The following RBPMS variants were observed in gnomAD, a reference collection of about 807,000 sequenced individuals.
The protein encoded by RBPMS is RNA-binding protein with multiple splicing.
Under a neutral mutation model 26.8 loss-of-function variants are expected in RBPMS, and 7 were observed. That is an observed-to-expected ratio of 0.26 (90% CI 0.15 to 0.49). The LOEUF (loss-of-function observed/expected upper bound fraction) is 0.49. RBPMS is among the 20% of genes least tolerant of loss of function. The pLI, the probability that RBPMS is intolerant of heterozygous loss-of-function variation, is 0.98. For missense variants in RBPMS, 186 were observed against 250.0 expected (o/e 0.74, Z 1.73); for synonymous variants, 96 against 93.3 (o/e 1.03, Z -0.17).
Position 30,512,628 on chromosome 8 carries a change from T to TA in RBPMS, c.397+8203dup, listed in dbSNP as rs879817372. The stretch of plus-strand genomic sequence containing the variant: ...TCCTGCCTCAGCCTCCTGGCTAGTT[T>TA]AAAAAAAAAAATTTGTAGAGATGGG... On this transcript the variant is annotated intron_variant, in intron 5 of 8. Coordinates refer to ENST00000397323, the MANE Select transcript of RBPMS (RefSeq NM_001008710.3). Among the ~76,000 whole-genome samples, 222 of 149,496 alleles carry TA rather than the reference T, an allele frequency of 1.5e-3. 1 individual carries two copies. Among genetic ancestry groups the TA allele is most frequent in the South Asian group, 4.2e-3 (20 of 4,740 alleles).
At chr8:30,555,779 C>G (rs761276893) in intron 6 of RBPMS, 1 of 582,748 alleles carries the variant, frequency 1.7e-6, no homozygotes, top group Non-Finnish European at 2.2e-6. Context: ...AATTGTAAAG[C>G]AGCCCTTATG....
intron 1 of RBPMS, among the ~76,000 whole-genome samples, chr8:30,464,035 T>C (rs1816234584): frequency 6.6e-6 from 1 of 152,202 alleles, no homozygotes; most frequent in African/African-American, 2.4e-5. Flanking sequence ...ATACCTGTTG[T>C]CTTAGCTACT....
intron 1 of RBPMS, among the ~76,000 whole-genome samples, chr8:30,471,869 G>A (rs1433672923): frequency 6.6e-6 from 1 of 152,154 alleles, no homozygotes; most frequent in Non-Finnish European, 1.5e-5. Flanking sequence ...GGATGCAAAA[G>A]ATACAGAACA....
At chr8:30,465,148 GT>G (rs1816355796) in intron 1 of RBPMS, among the ~76,000 whole-genome samples, 1 of 152,198 alleles carries the variant, frequency 6.6e-6, no homozygotes, top group Admixed American at 6.5e-5. Context: ...GGAACTTCTT[GT>G]TGAACTCTAA....
chr8:30,483,194 T>C (rs1007303143), intron 4 of RBPMS, among the ~76,000 whole-genome samples: 12 of 152,218 alleles, frequency 7.9e-5, no homozygotes, highest in African/African-American at 1.4e-4. Context: ...TGACCTGTTA[T>C]GGCATTGTTT....
At chr8:30,485,654 T>G (rs185080706) in intron 4 of RBPMS, among the ~76,000 whole-genome samples, 28 of 152,380 alleles carry the variant, frequency 1.8e-4, no homozygotes, top group Admixed American at 1.4e-3. Context: ...ACTATGTGCA[T>G]GCACTTTGGA....
Position 30,562,540 on chromosome 8 carries a change from T to C in RBPMS, c.*7+3584T>C, listed in dbSNP as rs1827588467. Among the ~76,000 whole-genome samples the C allele has an allele frequency of 5.3e-5, 8 of 152,144 alleles. No individual in the cohort carries two copies. In the South Asian group the frequency reaches 1.7e-3, roughly 32 times the overall value. On this transcript the variant is annotated intron_variant, in intron 7 of 8. Transcript: ENST00000397323. ...GACTAGCTCAGTGCGGATCTATTAT[T>C]TCAGCTCCTTCTAGTCTCTTGGATC... is the stretch of plus-strand genomic sequence containing the variant.
intron 1 of RBPMS, among the ~76,000 whole-genome samples, chr8:30,416,839 G>A (rs766310874): frequency 1.4e-4 from 22 of 151,750 alleles, no homozygotes; most frequent in African/African-American, 4.4e-4. Flanking sequence ...GTGCAATCTC[G>A]ACTCACTGCA....
chr8:30,430,128 T>G (rs1418373270), intron 1 of RBPMS, among the ~76,000 whole-genome samples: 3 of 151,950 alleles, frequency 2.0e-5, no homozygotes, highest in Non-Finnish European at 2.9e-5. Flanking sequence ...ATACAGAAAT[T>G]AGCTAGGCAT....
chr8:30,505,175 GC>G (rs915816500), intron 5 of RBPMS, among the ~76,000 whole-genome samples: 1 of 152,202 alleles, frequency 6.6e-6, no homozygotes, highest in Non-Finnish European at 1.5e-5. Context: ...CATGAGACAG[GC>G]CTTAACTTCT....
chr8:30,433,020 C>A (rs1391626147), intron 1 of RBPMS, among the ~76,000 whole-genome samples: 3 of 152,158 alleles, frequency 2.0e-5, no homozygotes, highest in Non-Finnish European at 2.9e-5. Flanking sequence ...AAAATGATGT[C>A]TTTTGCCTAA....
chr8:30,489,796 C>T (rs1819197506), intron 4 of RBPMS, among the ~76,000 whole-genome samples: 2 of 145,522 alleles, frequency 1.4e-5, no homozygotes, highest in Non-Finnish European at 3.0e-5. Context: ...TTTCTGTATA[C>T]TGGTGTTTTT....
At position 30,569,487 on chromosome 8, in the gene RBPMS, GA is replaced by G. The variant is rs527642582; in HGVS notation, c.*112-1148del. Among the ~76,000 whole-genome samples the G allele has an allele frequency of 3.7e-4, 57 of 152,304 alleles. No individual in the cohort carries two copies. The South Asian group carries it at 0.011, about 30-fold the overall frequency. On this transcript the variant is annotated intron_variant, in intron 8 of 8. Transcript: ENST00000397323. ...GTATATGCTGAGGGGACTAGTAACAGAAGAGAGGAAGTAAGAACAGGCACGG... is the reference window on the plus strand; with the variant it reads ...GTATATGCTGAGGGGACTAGTAACAGAGAGAGGAAGTAAGAACAGGCACGG...
At chr8:30,532,767 C>T (rs2915589) in intron 5 of RBPMS, among the ~76,000 whole-genome samples, 78,258 of 151,988 alleles carry the variant, frequency 0.51, 20,266 homozygotes, top group South Asian at 0.64. Flanking sequence ...CCCAGGTCTT[C>T]GGACACTTTT....
chr8:30,528,468 A>G lies in RBPMS; in HGVS notation c.398-16026A>G, dbSNP rs77679867. ...GGGGAGCCGGGACATACCTGTGACCATGGTGGGTCATTAGGTCTTAACATA... is the reference window on the plus strand; with the variant it reads ...GGGGAGCCGGGACATACCTGTGACCGTGGTGGGTCATTAGGTCTTAACATA... On this transcript the variant is annotated intron_variant, in intron 5 of 8. Coordinates refer to ENST00000397323, the MANE Select transcript of RBPMS (RefSeq NM_001008710.3). Among the ~76,000 whole-genome samples, 691 of 152,302 alleles carry G rather than the reference A, an allele frequency of 4.5e-3. 2 individuals carry two copies. Among genetic ancestry groups the G allele is most frequent in the African/African-American group, 0.016 (647 of 41,576 alleles).
At chr8:30,568,098 G>C (rs1482129492) in intron 8 of RBPMS, among the ~76,000 whole-genome samples, 4 of 152,214 alleles carry the variant, frequency 2.6e-5, no homozygotes, top group African/African-American at 9.6e-5. Context: ...TGACACGTTT[G>C]AAAATCTATT....
At chr8:30,497,836 T>A (rs566184003) in intron 4 of RBPMS, among the ~76,000 whole-genome samples, 108 of 151,528 alleles carry the variant, frequency 7.1e-4, no homozygotes, top group Non-Finnish European at 1.2e-3. Flanking sequence ...GTTAGCCAGG[T>A]TGGTCTCGAT....
intron 5 of RBPMS, among the ~76,000 whole-genome samples, chr8:30,512,316 C>T (rs1226539914): frequency 1.3e-5 from 2 of 152,090 alleles, no homozygotes; most frequent in African/African-American, 2.4e-5. Context: ...TGCATTTATA[C>T]ATACTGTATA....
intron 4 of RBPMS, among the ~76,000 whole-genome samples, chr8:30,493,494 T>A (rs181367181): frequency 6.6e-6 from 1 of 152,006 alleles, no homozygotes; most frequent in South Asian, 2.1e-4. Context: ...TTTTTATGCC[T>A]ACCAGAGCAG....
Sources: allele counts gnomAD v4.1 joint callset (sites outside exome capture counted in the v4.1 genomes callset), GRCh38; gene constraint gnomAD v4.1.1; transcripts MANE v1.5; gene names NCBI Gene and HGNC (gene_info 2026-07-23, HGNC 2026-07-21).